The following CLIC5 variants were observed in gnomAD, a reference collection of about 807,000 sequenced individuals.
CLIC5 encodes the protein chloride intracellular channel protein 5.
CLIC5 carries 20 observed loss-of-function variants against 24.7 expected under a neutral mutation model. That is an observed-to-expected ratio of 0.81 (90% CI 0.57 to 1.18). The LOEUF (loss-of-function observed/expected upper bound fraction) is 1.18. Among genes scored for constraint, CLIC5 ranks in the 50% most tolerant of loss-of-function variants. The pLI, the probability that CLIC5 is intolerant of heterozygous loss-of-function variation, is 0.00. For missense variants in CLIC5, 341 were observed against 326.1 expected (o/e 1.05, Z -0.35); for synonymous variants, 159 against 135.6 (o/e 1.17, Z -1.20).
chr6:46,060,096 G>A (rs1762208203), intron 1 of CLIC5, among the ~76,000 whole-genome samples: 1 of 152,164 alleles, frequency 6.6e-6, no homozygotes, highest in African/African-American at 2.4e-5. Context: ...GGAGAACACT[G>A]ATACTACAGA....
At chr6:45,881,671 G>C (rs1762264188) in intron 6 of CLIC5, among the ~76,000 whole-genome samples, 1 of 152,066 alleles carries the variant, frequency 6.6e-6, no homozygotes, top group South Asian at 2.1e-4. Context: ...GTAATTTTAG[G>C]GAAATTTGAT....
Position 45,884,057 on chromosome 6 carries a change from C to G in CLIC5, c.624-2869G>C, listed in dbSNP as rs148906880. Among the ~76,000 whole-genome samples the G allele has an allele frequency of 3.3e-3, 503 of 152,306 alleles. 1 individual carries two copies. The highest frequency in any genetic ancestry group is 3.3e-3 in the Non-Finnish European group (225 of 68,024). ...TTAATTATCTTCCATAATAAGGAGT[C>G]TGGAGGTACATAATGAGAGGGTCTG... On this transcript the variant is annotated intron_variant, in intron 6 of 6. Transcript: ENST00000644324.
chr6:46,004,790 C>T (rs1173192712), intron 1 of CLIC5, among the ~76,000 whole-genome samples: 1 of 152,176 alleles, frequency 6.6e-6, no homozygotes, highest in Admixed American at 6.5e-5. Context: ...ACACAGCTCC[C>T]CTCTCCCAGA....
At chr6:46,064,320 A>G (rs759332391) in intron 1 of CLIC5, among the ~76,000 whole-genome samples, 4 of 152,144 alleles carry the variant, frequency 2.6e-5, no homozygotes, top group Non-Finnish European at 5.9e-5. Context: ...AGAAATCTCT[A>G]GTAAAGATAG....
chr6:45,938,156 G>A (rs998886698), intron 4 of CLIC5, among the ~76,000 whole-genome samples: 6 of 152,250 alleles, frequency 3.9e-5, no homozygotes, highest in African/African-American at 1.2e-4. Flanking sequence ...AGGGCGGCAT[G>A]TGGAAGGAGG....
chr6:46,025,854 A>G (rs1413993889), intron 1 of CLIC5, among the ~76,000 whole-genome samples: 2 of 152,158 alleles, frequency 1.3e-5, no homozygotes, highest in Non-Finnish European at 2.9e-5. Flanking sequence ...ATGGTTTAAA[A>G]GTCTGTGGCA....
At chr6:45,995,903 G>A (rs936095957) in intron 1 of CLIC5, among the ~76,000 whole-genome samples, 4 of 152,076 alleles carry the variant, frequency 2.6e-5, no homozygotes, top group Non-Finnish European at 5.9e-5. Context: ...ATAAGTGGGA[G>A]CTGAATAATG....
At position 46,015,683 on chromosome 6, in the gene CLIC5, C is replaced by T; in HGVS notation, c.-141G>A. 1 of 1,292,908 alleles carries T rather than the reference C, an allele frequency of 7.7e-7. No homozygotes were observed. The highest frequency in any genetic ancestry group is 9.9e-7 in the Non-Finnish European group (1 of 1,014,948). 80.1% of individuals were successfully genotyped at this position (1,292,908 alleles called of 1,614,324 possible). ...TTAATTTTTCACAAAACCATCTATT[C>T]TCCAGCCCGAGCAGCGGGGTCTGAG... is the stretch of plus-strand genomic sequence containing the variant. On this transcript the variant is annotated 5_prime_UTR_variant, in exon 1 of 6. Transcript: ENST00000339561.
At position 45,982,286 on chromosome 6, in the gene CLIC5, G is replaced by A. The variant is rs1278383653; in HGVS notation, c.64-27042C>T. Reference sequence around the variant, plus strand: ...GGCCTGTCCTTGCTGCTCCTGCTTGGGACTCAGTGTCCTCATGAATCAAGC... The same window carrying A: ...GGCCTGTCCTTGCTGCTCCTGCTTGAGACTCAGTGTCCTCATGAATCAAGC... On this transcript the variant is annotated intron_variant, in intron 1 of 5. Coordinates refer to ENST00000339561, the MANE Select transcript of CLIC5 (RefSeq NM_016929.5). 2.0e-5 allele frequency among the ~76,000 whole-genome samples: 3 copies of A among 151,966 alleles called. No individual in the cohort carries two copies. The East Asian group carries it at 5.8e-4, about 29-fold the overall frequency.
intron 1 of CLIC5, among the ~76,000 whole-genome samples, chr6:46,024,163 C>T (rs1767263898): frequency 6.6e-6 from 1 of 152,142 alleles, no homozygotes; most frequent in South Asian, 2.1e-4. Flanking sequence ...AATTAAAGTT[C>T]TGAAAATACA....
intron 3 of CLIC5, among the ~76,000 whole-genome samples, chr6:45,942,839 A>C: frequency 6.6e-6 from 1 of 152,202 alleles, no homozygotes; most frequent in East Asian, 1.9e-4. Flanking sequence ...CTCTGCTGTG[A>C]GGCAGATAAG....
chr6:45,890,387 A>G (rs1324705338), intron 6 of CLIC5, among the ~76,000 whole-genome samples: 2 of 152,218 alleles, frequency 1.3e-5, no homozygotes, highest in Non-Finnish European at 2.9e-5. Context: ...GACCTATTAG[A>G]TTGGCTATTA....
In CLIC5 at chr6:45,946,877, A is replaced by G. The variant is rs74715714; in HGVS notation, c.299+2379T>C. Among the ~76,000 whole-genome samples the G allele has an allele frequency of 5.9e-3, 899 of 152,304 alleles. 6 individuals are homozygous for G. The highest frequency in any genetic ancestry group is 0.021 in the African/African-American group (856 of 41,580). ...CCTTGGTAGGCTTCTGGAGATATGC[A>G]TTTTAACAGCATCAAGCGTTCTGCT... On this transcript the variant is annotated intron_variant, in intron 3 of 5. Coordinates refer to ENST00000339561, the MANE Select transcript of CLIC5 (RefSeq NM_016929.5).
chr6:45,954,175 G>C (rs1277681815), intron 2 of CLIC5, among the ~76,000 whole-genome samples: 1 of 150,318 alleles, frequency 6.7e-6, no homozygotes, highest in African/African-American at 2.5e-5. Context: ...TCGGGAGGCT[G>C]AGGCAGAGAA....
chr6:45,885,513 G>C (rs1380729792), intron 6 of CLIC5, among the ~76,000 whole-genome samples: 1 of 152,138 alleles, frequency 6.6e-6, no homozygotes, highest in Non-Finnish European at 1.5e-5. Context: ...TAAAAAATAG[G>C]TCAAATTGAA....
intron 3 of CLIC5, among the ~76,000 whole-genome samples, 155 bp downstream of exon 3, chr6:45,949,101 G>C (rs1764381570): frequency 6.6e-6 from 1 of 152,088 alleles, no homozygotes; most frequent in African/African-American, 2.4e-5. Flanking sequence ...GCAGCCCTTT[G>C]GGGGTCCTAG....
At chr6:46,010,815 C>A (rs1310457028) in intron 1 of CLIC5, among the ~76,000 whole-genome samples, 1 of 152,124 alleles carries the variant, frequency 6.6e-6, no homozygotes, top group Non-Finnish European at 1.5e-5. Flanking sequence ...TTGTGTATTG[C>A]GTTATTGACT....
intron 1 of CLIC5, among the ~76,000 whole-genome samples, chr6:46,006,229 C>T (rs1266760046): frequency 1.3e-5 from 2 of 149,130 alleles, no homozygotes; most frequent in African/African-American, 4.9e-5. Context: ...ACTGCAGCCT[C>T]CGCCTCCTTG....
chr6:46,030,362 C>T (rs1357527419), intron 1 of CLIC5, among the ~76,000 whole-genome samples: 2 of 152,206 alleles, frequency 1.3e-5, no homozygotes, highest in African/African-American at 4.8e-5. Flanking sequence ...TACCCTTCAT[C>T]CTCATTACTG....
Sources: allele counts gnomAD v4.1 joint callset (sites outside exome capture counted in the v4.1 genomes callset), GRCh38; gene constraint gnomAD v4.1.1; transcripts MANE v1.5; gene names NCBI Gene and HGNC (gene_info 2026-07-23, HGNC 2026-07-21).